Variants in ARPC5L observed in about 807,000 individuals in gnomAD.
ARPC5L encodes the protein actin-related protein 2/3 complex subunit 5-like protein.
In ARPC5L, 4 loss-of-function variants were observed where a neutral mutation model predicts 16.9. The ratio of observed to expected loss-of-function variants is 0.24; its 90% CI spans 0.12 to 0.54. The LOEUF (loss-of-function observed/expected upper bound fraction) is 0.54. Ranked by LOEUF, ARPC5L falls within the 20% of genes least tolerant of loss-of-function variation. ARPC5L has a pLI of 0.95. For synonymous variants in ARPC5L, 78 were observed against 82.6 expected, an observed-to-expected ratio of 0.94 and a Z score of 0.30; for missense variants, 151 against 201.9, an observed-to-expected ratio of 0.75 and a Z score of 1.53.
rs1301740692 is a variant in ARPC5L at position 124,877,550 on chromosome 9, C to G, written c.*610C>G. ...GTCCCTGTTGAGCCACCCCTGGGAG[C>G]GAGCATGGCAATCCACAGGCCCTCT... On this transcript the variant is annotated 3_prime_UTR_variant, in exon 6 of 6. Coordinates refer to ENST00000353214, the MANE Select transcript of ARPC5L (RefSeq NM_030978.3). 6.6e-6 allele frequency: 1 copy of G among 152,552 alleles called. No individual in the cohort carries two copies. The highest frequency in any genetic ancestry group is 1.5e-5 in the Non-Finnish European group (1 of 68,102). 9.4% of individuals were successfully genotyped at this position (152,552 alleles called of 1,614,324 possible).
In ARPC5L at chr9:124,875,124, C is replaced by T. The variant is rs145806785; in HGVS notation, c.372C>T (p.Ser124=). Residue 124 remains serine, a synonymous_variant, in exon 5 of 6, where the codon AGC becomes AGT. Transcript: ENST00000353214. ...TTGAGAAGCCCACAGAAAATAGCAG[C>T]GCAGTGTTACTCCAGTGGCACGAAA... is the stretch of plus-strand genomic sequence containing the variant. ...KGFEKPTENS[S]AVLLQWHEKA... is the part of the protein sequence containing the mutation. The T allele has an allele frequency of 2.3e-5, 37 of 1,613,964 alleles. No homozygotes were observed. Among genetic ancestry groups the T allele is most frequent in the East Asian group, 2.2e-5 (1 of 44,902 alleles).
rs190242001 is a variant in ARPC5L at position 124,873,311 on chromosome 9, T to G, written c.150-381T>G. The G allele has an allele frequency of 9.9e-4, 211 of 213,266 alleles. 3 individuals carry two copies. Among genetic ancestry groups the G allele is most frequent in the African/African-American group, 4.4e-3 (194 of 43,920 alleles). 13.2% of individuals were successfully genotyped at this position (213,266 alleles called of 1,614,324 possible). A position where few individuals can be genotyped will look rare whatever the true frequency, so the allele number is the denominator to read the frequency against. Reference sequence around the variant, plus strand: ...CCTTTGTACCTACATTTTCCGCTTTTTTAGAATGAGAAGATGAGAACGACC... The same window carrying G: ...CCTTTGTACCTACATTTTCCGCTTTGTTAGAATGAGAAGATGAGAACGACC... On this transcript the variant is annotated intron_variant, in intron 3 of 5. Coordinates refer to ENST00000353214, the MANE Select transcript of ARPC5L (RefSeq NM_030978.3).
intron 3 of ARPC5L, 55 bp downstream of exon 3, chr9:124,869,494 C>G: frequency 1.4e-6 from 2 of 1,404,828 alleles, no homozygotes; most frequent in Non-Finnish European, 1.8e-6. Context: ...CACCTTCCCA[C>G]CTTCCCACCT....
At chr9:124,873,911 T>G in intron 4 of ARPC5L, 147 bp downstream of exon 4, 1 of 882,220 alleles carries the variant, frequency 1.1e-6, no homozygotes, top group Non-Finnish European at 1.8e-6. Context: ...TGGCGCTCCC[T>G]AGGTGGTGAG....
rs1249382495 is a variant in ARPC5L, at chr9:124,873,756, G to A, written c.214G>A (p.Ala72Thr). Reference sequence around the variant, plus strand: ...CTCTCCCGTCAACACCAAGAATCAAGCTGTGAAGGTAAAGGGGTGGCGCTG... The same window carrying A: ...CTCTCCCGTCAACACCAAGAATCAAACTGTGAAGGTAAAGGGGTGGCGCTG... The part of the protein sequence containing the change: ...RNSPVNTKNQ[A>T]VKERAQGVVL... The change falls in exon 4 of 6, where the codon GCT becomes ACT. Residue 72 changes from alanine (A) to threonine (T), a missense_variant. By Grantham distance (58) the Ala-to-Thr change is moderately conservative. Coordinates refer to ENST00000353214, the MANE Select transcript of ARPC5L (RefSeq NM_030978.3). The A allele has an allele frequency of 2.5e-6, 4 of 1,614,096 alleles. No homozygotes were observed. The highest frequency in any genetic ancestry group is 4.5e-5 in the East Asian group (2 of 44,898).
chr9:124,870,116 T>C (rs1265453244), intron 3 of ARPC5L, among the ~76,000 whole-genome samples: 3 of 152,130 alleles, frequency 2.0e-5, no homozygotes, highest in Non-Finnish European at 2.9e-5. Context: ...GCTCAACAAG[T>C]GAGTCTTGGC....
At chr9:124,864,750 T>G (rs906564344) in intron 2 of ARPC5L, among the ~76,000 whole-genome samples, 3 of 152,124 alleles carry the variant, frequency 2.0e-5, no homozygotes, top group African/African-American at 7.2e-5. Flanking sequence ...GAGATCCGCC[T>G]GCCTCAGCCT....
chr9:124,874,668 C>G (rs570424138), intron 4 of ARPC5L, among the ~76,000 whole-genome samples: 1 of 152,056 alleles, frequency 6.6e-6, no homozygotes, highest in South Asian at 2.1e-4. Flanking sequence ...GGCAACAGAG[C>G]GAGACCCTGC....
rs888888444 is a variant in ARPC5L at position 124,869,189 on chromosome 9, C to A, written c.-102C>A. 2.3e-6 allele frequency: 3 copies of A among 1,282,756 alleles called. No individual in the cohort carries two copies. The highest frequency in any genetic ancestry group is 3.0e-6 in the Non-Finnish European group (3 of 993,652). 79.5% of individuals were successfully genotyped at this position (1,282,756 alleles called of 1,614,324 possible). ...CGGTGGAGGAGGTGCTGGGAGCAGC[C>A]GGGCAGCCGCTTCCCGCCCCCGAGC... On this transcript the variant is annotated 5_prime_UTR_variant, in exon 3 of 6. Coordinates refer to ENST00000353214, the MANE Select transcript of ARPC5L (RefSeq NM_030978.3).
chr9:124,875,525 TG>T (rs1283492679), intron 5 of ARPC5L, among the ~76,000 whole-genome samples: 2 of 152,114 alleles, frequency 1.3e-5, no homozygotes, highest in Non-Finnish European at 2.9e-5. Flanking sequence ...AGGCAGCTGT[TG>T]GGGGTTCTTA....
rs1009656545 is a variant in ARPC5L at position 124,867,180 on chromosome 9, C to T, written c.-863-1248C>T. 6.7e-5 allele frequency among the ~76,000 whole-genome samples: 10 copies of T among 148,614 alleles called. No homozygotes were observed. In the South Asian group the frequency reaches 2.1e-3, roughly 32 times the overall value. On this transcript the variant is annotated intron_variant, in intron 2 of 5. Coordinates refer to ENST00000353214, the MANE Select transcript of ARPC5L (RefSeq NM_030978.3). ...TTTTTGAGATGGTATCTCACTCCAT[C>T]GCCCAGGCTGGAGTGCAATGGTGTG...
In ARPC5L at chr9:124,875,128, G is replaced by T. The variant is rs774838610; in HGVS notation, c.376G>T (p.Val126Leu). The change falls in exon 5 of 6, where the codon GTG becomes TTG. Residue 126 changes from valine (V) to leucine (L), a missense_variant. Physicochemically the swap from Val to Leu is conservative, Grantham distance 32. Transcript: ENST00000353214. ...FEKPTENSSA[V>L]LLQWHEKALA... ...GAAGCCCACAGAAAATAGCAGCGCAGTGTTACTCCAGTGGCACGAAAAGGT... is the reference window on the plus strand; with the variant it reads ...GAAGCCCACAGAAAATAGCAGCGCATTGTTACTCCAGTGGCACGAAAAGGT... 6 of 1,613,950 alleles carry T rather than the reference G, an allele frequency of 3.7e-6. No homozygotes were observed. The Admixed American group carries it at 8.3e-5, about 22-fold the overall frequency.
chr9:124,863,076 T>C (rs1390188774), intron 1 of ARPC5L, among the ~76,000 whole-genome samples: 2 of 151,000 alleles, frequency 1.3e-5, no homozygotes, highest in Admixed American at 6.6e-5. Flanking sequence ...CAATCCGCCC[T>C]CCTCGGCCTC....
chr9:124,869,127 C>A lies in ARPC5L; in HGVS notation c.-164C>A. 1 of 844,550 alleles carries A rather than the reference C, an allele frequency of 1.2e-6. No individual in the cohort carries two copies. The highest frequency in any genetic ancestry group is 1.6e-6 in the Non-Finnish European group (1 of 628,402). The allele number at this position is 844,550 out of a possible 1,614,324, so 52.3% of individuals were successfully genotyped here. A position where few individuals can be genotyped will look rare whatever the true frequency, so the allele number is the denominator to read the frequency against. Reference sequence around the variant, plus strand: ...ACGGCGCTTCCGGATCCGGCGGGTGCCGGAAGTGGGCGGGCGGCGGCGGCT... The same window carrying A: ...ACGGCGCTTCCGGATCCGGCGGGTGACGGAAGTGGGCGGGCGGCGGCGGCT... On this transcript the variant is annotated 5_prime_UTR_variant, in exon 3 of 6. Transcript: ENST00000353214.
chr9:124,869,897 C>T (rs536615664), intron 3 of ARPC5L, among the ~76,000 whole-genome samples: 220 of 152,332 alleles, frequency 1.4e-3, no homozygotes, highest in African/African-American at 5.1e-3. Context: ...GCGCGGTCCT[C>T]CGGGGCCCGA....
chr9:124,873,875 T>C, intron 4 of ARPC5L, 111 bp downstream of exon 4: 1 of 1,329,680 alleles, frequency 7.5e-7, no homozygotes, highest in Non-Finnish European at 1.1e-6. Flanking sequence ...GAGTTGGCAC[T>C]GGGCGGGGCT....
intron 2 of ARPC5L, among the ~76,000 whole-genome samples, chr9:124,864,367 T>C (rs1829242769): frequency 1.3e-5 from 2 of 152,196 alleles, no homozygotes; most frequent in South Asian, 4.2e-4. Context: ...TTTGTATTTT[T>C]GTTTTTTTCC....
chr9:124,874,608 C>G (rs902729995), intron 4 of ARPC5L, among the ~76,000 whole-genome samples: 1 of 152,074 alleles, frequency 6.6e-6, no homozygotes, highest in Admixed American at 6.6e-5. Context: ...ATTGCTTGAG[C>G]CTGGGAGAGG....
intron 1 of ARPC5L, among the ~76,000 whole-genome samples, chr9:124,863,505 G>T (rs1233755842): frequency 6.6e-6 from 1 of 152,212 alleles, no homozygotes; most frequent in African/African-American, 2.4e-5. Flanking sequence ...CTGCTGCCAA[G>T]GTAGTAGTTG....
Sources: allele counts gnomAD v4.1 joint callset (sites outside exome capture counted in the v4.1 genomes callset), GRCh38; gene constraint gnomAD v4.1.1; transcripts MANE v1.5; gene names NCBI Gene and HGNC (gene_info 2026-07-23, HGNC 2026-07-21).